Variants in PFKFB3 observed in about 807,000 individuals in gnomAD.
PFKFB3 encodes 6-phosphofructo-2-kinase/fructose-2,6-biphosphatase 3, also known as 6-phosphofructo-2-kinase/fructose-2,6-bisphosphatase 3.
In PFKFB3, 33 loss-of-function variants were observed where a neutral mutation model predicts 68.0. That is an observed-to-expected ratio of 0.49 (90% CI 0.37 to 0.65). The LOEUF is 0.65. PFKFB3 is among the 30% of genes least tolerant of loss of function. The pLI, the probability that PFKFB3 is intolerant of heterozygous loss-of-function variation, is 0.00. For synonymous variants in PFKFB3, 315 were observed against 288.2 expected, an observed-to-expected ratio of 1.09 and a Z score of -0.94; for missense variants, 586 against 712.2, an observed-to-expected ratio of 0.82 and a Z score of 2.02.
At chr10:6,207,473 A>G (rs949393988) in intron 1 of PFKFB3, among the ~76,000 whole-genome samples, 11 of 152,248 alleles carry the variant, frequency 7.2e-5, no homozygotes, top group Admixed American at 1.3e-4. Context: ...AAATTTTTTC[A>G]TAGAGATGGG....
At chr10:6,237,623 C>T (rs1174363163), downstream of PFKFB3, among the ~76,000 whole-genome samples, 2 of 152,200 alleles carry the variant, frequency 1.3e-5, no homozygotes, top group Non-Finnish European at 2.9e-5. Flanking sequence ...GGCTGGAGTG[C>T]AGAGGTGTGA....
Position 6,228,973 on chromosome 10 carries a change from C to T in PFKFB3, c.1515+2608C>T. ...TCCCACTGCTCTGGGATCCCTTCCCCACCAGGAGCAGAGGCCTTCCTGCCA... is the reference window on the plus strand; with the variant it reads ...TCCCACTGCTCTGGGATCCCTTCCCTACCAGGAGCAGAGGCCTTCCTGCCA... On this transcript the variant is annotated intron_variant, in intron 14 of 14. Coordinates refer to ENST00000379775, the MANE Select transcript of PFKFB3 (RefSeq NM_004566.4). The surrounding 1 kb of genome is among the most constrained non-coding windows in gnomAD (Gnocchi z 4.5). 1 of 423,736 alleles carries T rather than the reference C, an allele frequency of 2.4e-6. No homozygotes were observed. The highest frequency in any genetic ancestry group is 2.6e-5 in the Admixed American group (1 of 38,678). 26.2% of individuals were successfully genotyped at this position (423,736 alleles called of 1,614,324 possible).
At chr10:6,276,838 T>TTG in the PFKFB3 span, among the ~76,000 whole-genome samples, 20,570 of 146,890 alleles carry the variant, frequency 0.14, 2,334 homozygotes, top group African/African-American at 0.32. Flanking sequence ...TTATATGTAT[T>TTG]TGTGTGTGTG....
chr10:6,231,561 G>A (rs1252331806), intron 14 of PFKFB3: 25 of 985,258 alleles, frequency 2.5e-5, no homozygotes, highest in Non-Finnish European at 2.9e-5. Context: ...TTGTTGCATC[G>A]CCATCACCTG....
At chr10:6,251,713 G>A (rs1271063006) in intron 14 of PFKFB3, among the ~76,000 whole-genome samples, 1 of 152,186 alleles carries the variant, frequency 6.6e-6, no homozygotes, top group Non-Finnish European at 1.5e-5. Context: ...GCTCATGCCT[G>A]TAATCCCAGC....
intron 11 of PFKFB3, among the ~76,000 whole-genome samples, chr10:6,223,721 A>G (rs1845128349): frequency 6.6e-6 from 1 of 152,122 alleles, no homozygotes; most frequent in Admixed American, 6.5e-5. Flanking sequence ...GGTTCAAGCG[A>G]TTCTCCTGCC....
chr10:6,209,544 GCTCACTGCAAC>G (rs1249673650), intron 1 of PFKFB3, among the ~76,000 whole-genome samples: 1 of 151,838 alleles, frequency 6.6e-6, no homozygotes, highest in Non-Finnish European at 1.5e-5. Context: ...TACAATCTCG[GCTCACTGCAAC>G]CTCTGCCTCC....
At chr10:6,236,158 T>C (rs1306485980), downstream of PFKFB3, among the ~76,000 whole-genome samples, 1 of 152,192 alleles carries the variant, frequency 6.6e-6, no homozygotes, top group East Asian at 1.9e-4. Context: ...GAAGGTATCT[T>C]TCATGTTAGG....
At chr10:6,225,357 G>C in intron 13 of PFKFB3, 2 of 382,866 alleles carry the variant, frequency 5.2e-6, no homozygotes, top group Non-Finnish European at 1.1e-5. Context: ...CCTGAGAGAG[G>C]CTGGGGTCCC....
the PFKFB3 span, among the ~76,000 whole-genome samples, chr10:6,316,481 C>CT: frequency 3.3e-5 from 5 of 152,036 alleles, no homozygotes; most frequent in Non-Finnish European, 7.4e-5. Flanking sequence ...TTTTTCTTTT[C>CT]TTTCCTTTTC....
the PFKFB3 span, among the ~76,000 whole-genome samples, chr10:6,266,843 C>G: frequency 1.3e-5 from 2 of 152,222 alleles, no homozygotes; most frequent in African/African-American, 4.8e-5. Flanking sequence ...CCTGGGGCCC[C>G]GCATGATGGC....
chr10:6,185,052 G>A (rs934704984), intron 1 of PFKFB3, among the ~76,000 whole-genome samples: 1 of 152,090 alleles, frequency 6.6e-6, no homozygotes, highest in Non-Finnish European at 1.5e-5. Context: ...ATTGAAACCC[G>A]ACACAAAAAC....
At chr10:6,150,914 G>A (rs1165249621) in intron 1 of PFKFB3, among the ~76,000 whole-genome samples, 2 of 151,438 alleles carry the variant, frequency 1.3e-5, no homozygotes, top group Admixed American at 6.7e-5. Flanking sequence ...CAGGAGAACC[G>A]CTTGAACCTG....
At chr10:6,153,347 G>A (rs529937887) in intron 1 of PFKFB3, among the ~76,000 whole-genome samples, 4 of 152,286 alleles carry the variant, frequency 2.6e-5, no homozygotes, top group Admixed American at 6.5e-5. Context: ...GGCCAGGGGC[G>A]GATGTAAGTG....
chr10:6,273,776 TGAGAA>T, the PFKFB3 span, among the ~76,000 whole-genome samples: 7 of 152,178 alleles, frequency 4.6e-5, no homozygotes, highest in South Asian at 1.5e-3. Context: ...GAGAAGGTGA[TGAGAA>T]GAGGGAGTGA....
At chr10:6,155,234 G>A (rs1432484254) in intron 1 of PFKFB3, among the ~76,000 whole-genome samples, 8 of 132,148 alleles carry the variant, frequency 6.1e-5, no homozygotes, top group Non-Finnish European at 9.6e-5. Flanking sequence ...ACGGAGTCCC[G>A]CTCTGTCGCC....
intron 1 of PFKFB3, among the ~76,000 whole-genome samples, chr10:6,192,366 C>CCTTTTTTTTTTT (rs1564609433): frequency 1.8e-5 from 2 of 113,070 alleles, no homozygotes. Context: ...TTTCTTTCTT[C>CCTTTTTTTTTTT]TTTTTTTTTT....
the PFKFB3 span, among the ~76,000 whole-genome samples, chr10:6,275,755 C>T: frequency 2.9e-3 from 439 of 152,298 alleles, 1 homozygote; most frequent in African/African-American, 9.5e-3. The surrounding 1 kb of genome is among the most constrained non-coding windows in gnomAD (Gnocchi z 4.9). Context: ...GCTGGGATTA[C>T]AGGCATGGGC....
At chr10:6,176,088 A>T (rs559344420) in intron 1 of PFKFB3, among the ~76,000 whole-genome samples, 1 of 152,390 alleles carries the variant, frequency 6.6e-6, no homozygotes, top group South Asian at 2.1e-4. Context: ...AGTGTGGAGA[A>T]GTCAAGTGTG....
Sources: allele counts gnomAD v4.1 joint callset (sites outside exome capture counted in the v4.1 genomes callset), GRCh38; gene constraint gnomAD v4.1.1; non-coding constraint Gnocchi (gnomAD v3.1); transcripts MANE v1.5; gene names NCBI Gene and HGNC (gene_info 2026-07-23, HGNC 2026-07-21).